Variants in RBFOX3 observed in about 807,000 individuals in gnomAD.
The protein encoded by RBFOX3 is RNA binding protein fox-1 homolog 3.
In RBFOX3, 17 loss-of-function variants were observed where a neutral mutation model predicts 48.7. The observed-to-expected ratio is 0.35, with a 90% confidence interval of 0.24 to 0.52. RBFOX3 has a LOEUF of 0.52. Among genes scored for constraint, RBFOX3 ranks in the 20% least tolerant of loss-of-function variants. The pLI is 0.94. For synonymous variants in RBFOX3, 212 were observed against 209.5 expected (o/e 1.01, Z -0.10); for missense variants, 382 against 497.5 (o/e 0.77, Z 2.21).
chr17:79,098,016 C>G (rs1307774268), intron 9 of RBFOX3: 1 of 474,994 alleles, frequency 2.1e-6, no homozygotes, highest in African/African-American at 1.9e-5. Flanking sequence ...CAACCCTCAC[C>G]CCTGGGCGTC....
intron 4 of RBFOX3, among the ~76,000 whole-genome samples, chr17:79,223,887 T>A (rs1430202334): frequency 6.6e-6 from 1 of 152,040 alleles, no homozygotes; most frequent in Non-Finnish European, 1.5e-5. Context: ...AAAATCCACC[T>A]CAGCATTGAC....
chr17:79,488,477 T>C (rs1055574599), intron 1 of RBFOX3, among the ~76,000 whole-genome samples: 2 of 152,312 alleles, frequency 1.3e-5, no homozygotes, highest in African/African-American at 4.8e-5. Flanking sequence ...TCTCAGAGCA[T>C]GCTACACTCC....
At chr17:79,142,610 G>C (rs2042130096) in intron 4 of RBFOX3, among the ~76,000 whole-genome samples, 1 of 152,098 alleles carries the variant, frequency 6.6e-6, no homozygotes, top group Non-Finnish European at 1.5e-5. Context: ...GTGTGGAGGT[G>C]GGGAGGGGCT....
chr17:79,392,983 G>C lies in RBFOX3; in HGVS notation c.-174-85159C>G, dbSNP rs944275764. On this transcript the variant is annotated intron_variant, in intron 2 of 14. Coordinates refer to ENST00000693108, the MANE Select transcript of RBFOX3 (RefSeq NM_001350451.2). This position sits in a 1 kb window ranked among gnomAD's most constrained non-coding sequence, Gnocchi z 5.0. ...CCCAAACCTAAACTACCAAGCAAGA[G>C]AACCACCAAAATTTGCAATTCCAAG... Among the ~76,000 whole-genome samples the C allele has an allele frequency of 6.6e-6, 1 of 152,122 alleles. No homozygotes were observed. Among genetic ancestry groups the C allele is most frequent in the Non-Finnish European group, 1.5e-5 (1 of 68,020 alleles).
At chr17:79,553,097 C>T (rs2091305948) in intron 1 of RBFOX3, among the ~76,000 whole-genome samples, 2 of 152,116 alleles carry the variant, frequency 1.3e-5, no homozygotes, top group South Asian at 4.1e-4. Flanking sequence ...TTCAGTGTTT[C>T]CACATTAAGA....
At chr17:79,326,280 G>A (rs1403506146) in intron 2 of RBFOX3, among the ~76,000 whole-genome samples, 2 of 152,124 alleles carry the variant, frequency 1.3e-5, no homozygotes, top group African/African-American at 4.8e-5. Context: ...TCTTGCAACT[G>A]GTTGAGAAGC....
chr17:79,448,951 G>A (rs12150237), intron 2 of RBFOX3, among the ~76,000 whole-genome samples: 83,776 of 151,806 alleles, frequency 0.55, 23,377 homozygotes, highest in East Asian at 0.71. Flanking sequence ...CAGAGTTGAC[G>A]TCCTGGGCAC....
chr17:79,138,932 T>C (rs1403807952), intron 4 of RBFOX3, among the ~76,000 whole-genome samples: 3 of 45,270 alleles, frequency 6.6e-5, no homozygotes, highest in South Asian at 1.1e-3. Flanking sequence ...ACACAGCACA[T>C]GCATTCACAC....
the RBFOX3 span, among the ~76,000 whole-genome samples, chr17:79,656,839 A>G: frequency 2.3e-5 from 3 of 129,480 alleles, no homozygotes; most frequent in African/African-American, 6.6e-5. Context: ...GAAAAGAAAG[A>G]AAGAAAAGAA....
Position 79,097,752 on chromosome 17 carries a change from C to CAA in RBFOX3, c.569-9_569-8dup, listed in dbSNP as rs1156861355. ...ACTGGATTTAGCTTCCAGCCTAAAA[C>CAA]AAAGGCACAGAGACCTAGTCACTGC... On this transcript the variant is annotated splice_region_variant and splice_polypyrimidine_tract_variant and intron_variant, in intron 9 of 14. Transcript: ENST00000693108. 1 of 1,533,742 alleles carries CAA rather than the reference C, an allele frequency of 6.5e-7. No homozygotes were observed. The highest frequency in any genetic ancestry group is 8.8e-7 in the Non-Finnish European group (1 of 1,135,950).
intron 2 of RBFOX3, among the ~76,000 whole-genome samples, chr17:79,431,808 C>T (rs2068512881): frequency 6.6e-6 from 1 of 152,208 alleles, no homozygotes; most frequent in South Asian, 2.1e-4. Flanking sequence ...ACTGAACAAA[C>T]ATATCTCTGA....
At chr17:79,245,023 C>T (rs1242321355) in intron 3 of RBFOX3, among the ~76,000 whole-genome samples, 1 of 147,998 alleles carries the variant, frequency 6.8e-6, no homozygotes, top group Non-Finnish European at 1.5e-5. Context: ...CTCCTTCCTT[C>T]TTTCTTTCTC....
At chr17:79,637,686 ACT>A in the RBFOX3 span, among the ~76,000 whole-genome samples, 1 of 146,402 alleles carries the variant, frequency 6.8e-6, no homozygotes, top group South Asian at 2.3e-4. Context: ...CAAGAGCAAA[ACT>A]CTGTCAAGAA....
chr17:79,586,543 G>A (rs1462277702), intron 1 of RBFOX3, among the ~76,000 whole-genome samples: 1 of 152,262 alleles, frequency 6.6e-6, no homozygotes, highest in African/African-American at 2.4e-5. Flanking sequence ...CCCCAGGCAT[G>A]AGGACGTTCC....
intron 2 of RBFOX3, among the ~76,000 whole-genome samples, chr17:79,456,334 C>T (rs62061740): frequency 0.035 from 5,285 of 152,236 alleles, 127 homozygotes; most frequent in South Asian, 0.054. Flanking sequence ...CCATGGACAT[C>T]TGGGGCTGGG....
At chr17:79,454,123 C>A (rs1555743294) in intron 2 of RBFOX3, among the ~76,000 whole-genome samples, 1 of 152,138 alleles carries the variant, frequency 6.6e-6, no homozygotes, top group East Asian at 1.9e-4. Flanking sequence ...CCCATCACCT[C>A]TGCTCTGACC....
At chr17:79,472,895 C>A (rs2077224429) in intron 2 of RBFOX3, among the ~76,000 whole-genome samples, 1 of 152,280 alleles carries the variant, frequency 6.6e-6, no homozygotes, top group South Asian at 2.1e-4. Flanking sequence ...CATTCTGGAC[C>A]TACATTTTTG....
intron 2 of RBFOX3, among the ~76,000 whole-genome samples, chr17:79,381,945 A>G (rs910347793): frequency 1.3e-5 from 2 of 152,190 alleles, no homozygotes; most frequent in Admixed American, 1.3e-4. Context: ...CCATCATCAC[A>G]AAACATATTT....
intron 4 of RBFOX3, chr17:79,135,015 C>T (rs1457419960): frequency 6.6e-6 from 1 of 152,326 alleles, no homozygotes; most frequent in Non-Finnish European, 1.5e-5. Context: ...GTGAGTGGGA[C>T]CCCATCTGAT....
Sources: gnomAD v4.1 joint callset for allele counts (sites outside exome capture counted in the v4.1 genomes callset) on GRCh38, gnomAD v4.1.1 for gene constraint, Gnocchi (gnomAD v3.1) non-coding constraint, MANE v1.5 for transcripts, NCBI Gene and HGNC (gene_info 2026-07-23, HGNC 2026-07-21) for gene names.